Variants in ANXA8 observed in about 807,000 individuals in gnomAD.
ANXA8 encodes the protein VAC-beta.
Under a neutral mutation model 26.8 loss-of-function variants are expected in ANXA8, and 9 were observed. That is an observed-to-expected ratio of 0.34 (90% CI 0.20 to 0.59). The LOEUF (loss-of-function observed/expected upper bound fraction) is 0.59. ANXA8 is among the 20% of genes least tolerant of loss of function. The probability of loss-of-function intolerance (pLI) is 0.84; values close to 1 mark genes in which losing one functional copy is unlikely to be tolerated. For missense variants in ANXA8, 83 were observed against 238.5 expected, an observed-to-expected ratio of 0.35 and a Z score of 4.29; for synonymous variants, 39 against 94.8, an observed-to-expected ratio of 0.41 and a Z score of 3.42.
the ANXA8 span, among the ~76,000 whole-genome samples, chr10:47,651,452 C>T: frequency 6.6e-6 from 1 of 151,202 alleles, no homozygotes; most frequent in Non-Finnish European, 1.5e-5. Context: ...TGCCATATGA[C>T]ACAGCAGTTC....
At chr10:47,502,862 A>T in the ANXA8 span, 1 of 1,604,558 alleles carries the variant, frequency 6.2e-7, no homozygotes, top group Middle Eastern at 1.8e-4. Flanking sequence ...GTGGCTTCAA[A>T]GTGCCACGTT....
the ANXA8 span, among the ~76,000 whole-genome samples, chr10:47,527,652 T>C: frequency 1.4e-5 from 2 of 140,538 alleles, no homozygotes; most frequent in Non-Finnish European, 3.1e-5. Context: ...GTGATTGGGC[T>C]TGTGTGTGTG....
the ANXA8 span, among the ~76,000 whole-genome samples, chr10:47,627,640 C>G: frequency 6.7e-6 from 1 of 150,064 alleles, no homozygotes; most frequent in Admixed American, 6.6e-5. Context: ...AAATCTATTC[C>G]TAGTACTTAA....
At chr10:47,535,589 G>T in the ANXA8 span, among the ~76,000 whole-genome samples, 2 of 146,848 alleles carry the variant, frequency 1.4e-5, no homozygotes, top group African/African-American at 2.7e-5. Context: ...TTTTTAAATG[G>T]GTATATTTGT....
At chr10:47,581,028 A>T in the ANXA8 span, among the ~76,000 whole-genome samples, 1 of 150,420 alleles carries the variant, frequency 6.6e-6, no homozygotes, top group East Asian at 1.9e-4. Context: ...GTGAGGCGAG[A>T]TCACGCCGCT....
the ANXA8 span, among the ~76,000 whole-genome samples, chr10:47,500,463 A>G: frequency 8.1e-3 from 1,062 of 131,240 alleles, 8 homozygotes; most frequent in African/African-American, 0.023. Context: ...AAGGCACCTC[A>G]GTCTGGCATT....
chr10:47,720,559 G>T, the ANXA8 span, among the ~76,000 whole-genome samples: 1 of 145,134 alleles, frequency 6.9e-6, no homozygotes, highest in Non-Finnish European at 1.5e-5. Flanking sequence ...ATTGTTTTTT[G>T]AATAATAGGT....
chr10:47,898,921 C>T, the ANXA8 span, among the ~76,000 whole-genome samples: 3 of 146,362 alleles, frequency 2.0e-5, no homozygotes, highest in Non-Finnish European at 4.5e-5. Context: ...GCAATCTCTG[C>T]CTCTCAGGTT....
upstream of ANXA8, among the ~76,000 whole-genome samples, chr10:47,486,951 C>T (rs1431987004): frequency 7.8e-4 from 115 of 147,528 alleles, no homozygotes; most frequent in East Asian, 1.5e-3. Context: ...CCAGCCTGGG[C>T]GACAGAGCAA....
At chr10:47,563,589 A>T in the ANXA8 span, 3 of 873,720 alleles carry the variant, frequency 3.4e-6, no homozygotes, top group Non-Finnish European at 5.9e-6. Flanking sequence ...CACATTTTTT[A>T]AAAAACACCA....
the ANXA8 span, among the ~76,000 whole-genome samples, chr10:47,585,677 A>G: frequency 7.2e-6 from 1 of 139,208 alleles, no homozygotes; most frequent in East Asian, 2.0e-4. Context: ...CCAAGTTTAT[A>G]TTGAGAAGAT....
the ANXA8 span, among the ~76,000 whole-genome samples, chr10:47,660,380 G>A: frequency 1.3e-5 from 2 of 151,086 alleles, no homozygotes; most frequent in Non-Finnish European, 2.9e-5. Context: ...AGCAAAAGTG[G>A]TATTTTCTTT....
the ANXA8 span, among the ~76,000 whole-genome samples, chr10:47,616,162 T>C: frequency 2.8e-5 from 2 of 70,790 alleles, no homozygotes; most frequent in African/African-American, 4.4e-5. Flanking sequence ...TGAAGTGCTG[T>C]TTATGGGTCC....
At chr10:47,953,922 AC>A in the ANXA8 span, among the ~76,000 whole-genome samples, 2 of 149,794 alleles carry the variant, frequency 1.3e-5, no homozygotes, top group African/African-American at 2.5e-5. Context: ...AGAAAAGTGA[AC>A]CCTTATACAC....
the ANXA8 span, chr10:47,491,558 C>T: frequency 6.1e-6 from 9 of 1,474,630 alleles, 1 homozygote; most frequent in Non-Finnish European, 8.2e-6. Context: ...CCAGTCTGCC[C>T]CAGATCCCCC....
At chr10:47,595,360 G>A in the ANXA8 span, among the ~76,000 whole-genome samples, 25 of 146,006 alleles carry the variant, frequency 1.7e-4, 1 homozygote, top group Admixed American at 1.1e-3. Flanking sequence ...AATTGAGACT[G>A]CAAAGAAACT....
the ANXA8 span, among the ~76,000 whole-genome samples, chr10:47,586,644 G>T: frequency 6.9e-6 from 1 of 145,942 alleles, no homozygotes; most frequent in Admixed American, 6.7e-5. Context: ...CTGGCTCCGA[G>T]TCCAGTTTGC....
upstream of ANXA8, chr10:47,484,200 G>T (rs1375835572): frequency 5.3e-6 from 4 of 759,842 alleles, no homozygotes; most frequent in Non-Finnish European, 9.3e-6. Context: ...CAACTCACTG[G>T]CAGATATTTG....
chr10:47,951,025 T>C, the ANXA8 span, among the ~76,000 whole-genome samples: 2 of 150,508 alleles, frequency 1.3e-5, no homozygotes, highest in Non-Finnish European at 2.9e-5. Flanking sequence ...AGATAAAAAG[T>C]TCTTTGAAAA....
Sources: allele counts gnomAD v4.1 joint callset (sites outside exome capture counted in the v4.1 genomes callset), GRCh38; gene constraint gnomAD v4.1.1; transcripts MANE v1.5; gene names NCBI Gene and HGNC (gene_info 2026-07-23, HGNC 2026-07-21).